The following DSCAM variants were observed in gnomAD, a reference collection of about 807,000 sequenced individuals.
The protein encoded by DSCAM is DS cell adhesion molecule, also known as cell adhesion molecule DSCAM.
DSCAM carries 47 observed loss-of-function variants against 217.7 expected under a neutral mutation model. The observed-to-expected ratio is 0.22, with a 90% CI of 0.17 to 0.28. The LOEUF is 0.28. Among genes scored for constraint, DSCAM ranks in the 10% least tolerant of loss-of-function variants. DSCAM has a pLI of 1.00. For missense variants in DSCAM, 2,080 were observed against 2,618.3 expected, an observed-to-expected ratio of 0.79 and a Z score of 4.49; for synonymous variants, 1,056 against 1,015.3, an observed-to-expected ratio of 1.04 and a Z score of -0.76.
rs568480744 is a variant in DSCAM, at chr21:40,708,317, C to T, written c.361+137G>A. 6.0e-6 allele frequency: 4 copies of T among 662,104 alleles called. No individual in the cohort carries two copies. The East Asian group carries it at 1.3e-4, about 21-fold the overall frequency. 41.0% of individuals were successfully genotyped at this position (662,104 alleles called of 1,614,324 possible). ...CTAAACAAGGAGACCTTAAAGAAGTCATCAGCAAGGTCAGAATGAACTGAT... is the reference window on the plus strand; with the variant it reads ...CTAAACAAGGAGACCTTAAAGAAGTTATCAGCAAGGTCAGAATGAACTGAT... On this transcript the variant is annotated intron_variant, in intron 2 of 32. Transcript: ENST00000400454.
At chr21:40,818,773 A>T (rs1384162868) in intron 1 of DSCAM, among the ~76,000 whole-genome samples, 1 of 152,030 alleles carries the variant, frequency 6.6e-6, no homozygotes, top group Non-Finnish European at 1.5e-5. Context: ...TTTTTTGAAG[A>T]TGTGATAAAA....
chr21:40,321,450 C>T (rs941966760), intron 8 of DSCAM, among the ~76,000 whole-genome samples: 2 of 152,214 alleles, frequency 1.3e-5, no homozygotes, highest in East Asian at 1.9e-4. Context: ...ATAATAAAAG[C>T]GTTCCTAGTT....
intron 3 of DSCAM, among the ~76,000 whole-genome samples, chr21:40,528,341 A>G (rs2076416118): frequency 6.6e-6 from 1 of 152,224 alleles, no homozygotes; most frequent in Admixed American, 6.5e-5. Context: ...CTTGGCCTCC[A>G]GTTCTCATAA....
At chr21:40,256,011 A>C (rs1450860413) in intron 11 of DSCAM, among the ~76,000 whole-genome samples, 2 of 152,180 alleles carry the variant, frequency 1.3e-5, no homozygotes, top group African/African-American at 4.8e-5. Context: ...TGGATAATAA[A>C]AGGGTATTTT....
intron 1 of DSCAM, among the ~76,000 whole-genome samples, chr21:40,835,598 G>A (rs2123662495): frequency 6.6e-6 from 1 of 152,260 alleles, no homozygotes; most frequent in South Asian, 2.1e-4. Context: ...AATTTCTATA[G>A]TGAATCACAA....
intron 3 of DSCAM, among the ~76,000 whole-genome samples, chr21:40,572,179 A>G (rs2076813507): frequency 6.6e-6 from 1 of 152,016 alleles, no homozygotes; most frequent in African/African-American, 2.4e-5. Flanking sequence ...AGTTTTATAG[A>G]ATACAGTGAA....
At chr21:40,840,313 T>C (rs2092090087) in intron 1 of DSCAM, among the ~76,000 whole-genome samples, 2 of 152,226 alleles carry the variant, frequency 1.3e-5, no homozygotes, top group South Asian at 4.1e-4. Context: ...CCTGAGAAAG[T>C]AAGCTTTGTT....
chr21:40,530,266 ATTGT>A (rs750373565), intron 3 of DSCAM, among the ~76,000 whole-genome samples: 5 of 152,172 alleles, frequency 3.3e-5, no homozygotes, highest in African/African-American at 7.2e-5. Context: ...AACTCCATTT[ATTGT>A]TTAAGTCACA....
chr21:40,595,838 G>T (rs1380145166), intron 3 of DSCAM, among the ~76,000 whole-genome samples: 18 of 152,210 alleles, frequency 1.2e-4, no homozygotes, highest in Admixed American at 1.2e-3. Flanking sequence ...CAAACATCGC[G>T]AATGAGAAAT....
chr21:40,347,783 T>C lies in DSCAM; in HGVS notation c.1097A>G (p.Asn366Ser), dbSNP rs1569077005. Residue 366 changes from asparagine to serine, a missense_variant, in exon 6 of 33, where the codon AAC (asparagine) becomes AGC (serine). Coordinates refer to ENST00000400454, the MANE Select transcript of DSCAM (RefSeq NM_001389.5). ...PGKNVRITGI[N>S]HENLIMDHMV... ...GTGATCCATTATAAGGTTTTCGTGGTTGATCCCTGTGATCCTCACATTTTT... is the reference window on the plus strand; with the variant it reads ...GTGATCCATTATAAGGTTTTCGTGGCTGATCCCTGTGATCCTCACATTTTT... The C allele has an allele frequency of 1.2e-6, 2 of 1,614,116 alleles. No homozygotes were observed. Among genetic ancestry groups the C allele is most frequent in the Admixed American group, 3.3e-5 (2 of 60,018 alleles).
chr21:40,450,138 G>T (rs1336618871), intron 3 of DSCAM, among the ~76,000 whole-genome samples: 2 of 151,982 alleles, frequency 1.3e-5, no homozygotes, highest in African/African-American at 4.8e-5. Context: ...AGTTACTCTG[G>T]TACTCATTTA....
At chr21:40,830,995 C>G (rs2123641201) in intron 1 of DSCAM, among the ~76,000 whole-genome samples, 1 of 152,328 alleles carries the variant, frequency 6.6e-6, no homozygotes, top group East Asian at 1.9e-4. Flanking sequence ...ATTGTCACGA[C>G]AGGGGACCAA....
At chr21:40,087,076 A>G in intron 22 of DSCAM, 94 bp downstream of exon 22, 1 of 920,468 alleles carries the variant, frequency 1.1e-6, no homozygotes. Context: ...AATATAAATA[A>G]ACACAAAATT....
chr21:40,346,846 G>A (rs755575202), intron 6 of DSCAM, among the ~76,000 whole-genome samples: 8 of 152,150 alleles, frequency 5.3e-5, no homozygotes, highest in Non-Finnish European at 1.0e-4. Flanking sequence ...ATTTTGCTCT[G>A]CATTTTCAAT....
At chr21:40,292,654 C>G (rs992831792) in intron 10 of DSCAM, among the ~76,000 whole-genome samples, 13 of 152,124 alleles carry the variant, frequency 8.5e-5, no homozygotes, top group African/African-American at 2.9e-4. Flanking sequence ...GCCAGCAACT[C>G]TACTTATAGA....
At chr21:40,643,833 G>C (rs142093261) in intron 3 of DSCAM, among the ~76,000 whole-genome samples, 1 of 152,326 alleles carries the variant, frequency 6.6e-6, no homozygotes, top group East Asian at 1.9e-4. Flanking sequence ...GCCAAGGAGA[G>C]GCCAAACTTG....
intron 11 of DSCAM, among the ~76,000 whole-genome samples, chr21:40,204,145 T>C (rs1320807351): frequency 2.0e-5 from 3 of 152,200 alleles, no homozygotes; most frequent in Admixed American, 6.5e-5. Flanking sequence ...TTCCCAGTGG[T>C]GTTTTCAAAG....
At chr21:40,808,854 G>A (rs11911358) in intron 1 of DSCAM, among the ~76,000 whole-genome samples, 4,222 of 152,138 alleles carry the variant, frequency 0.028, 178 homozygotes, top group East Asian at 0.17. Flanking sequence ...TACCCCAAAG[G>A]CAAACGCCAT....
At chr21:40,620,622 C>A (rs758354897) in intron 3 of DSCAM, among the ~76,000 whole-genome samples, 2 of 151,980 alleles carry the variant, frequency 1.3e-5, no homozygotes, top group Non-Finnish European at 2.9e-5. Flanking sequence ...CAGGCAATAC[C>A]AAATGATGGT....
Sources: allele counts gnomAD v4.1 joint callset (sites outside exome capture counted in the v4.1 genomes callset), GRCh38; gene constraint gnomAD v4.1.1; transcripts MANE v1.5; gene names NCBI Gene and HGNC (gene_info 2026-07-23, HGNC 2026-07-21).